Variants in PDE1C observed in about 807,000 individuals in gnomAD.
PDE1C encodes the protein dual specificity calcium/calmodulin-dependent 3',5'-cyclic nucleotide phosphodiesterase 1C.
PDE1C carries 62 observed loss-of-function variants against 93.1 expected under a neutral mutation model. That is an observed-to-expected ratio of 0.67 (90% CI 0.54 to 0.82). The LOEUF (loss-of-function observed/expected upper bound fraction) is 0.82. Ranked by LOEUF, PDE1C falls within the 40% of genes least tolerant of loss-of-function variation. The pLI is 0.00. For synonymous variants in PDE1C, 325 were observed against 310.1 expected (o/e 1.05, Z -0.50); for missense variants, 742 against 884.6 (o/e 0.84, Z 2.04).
chr7:32,190,605 C>T (rs531058922), intron 2 of PDE1C, among the ~76,000 whole-genome samples: 39 of 152,280 alleles, frequency 2.6e-4, no homozygotes, highest in African/African-American at 9.4e-4. Context: ...ATTTTCCCTC[C>T]TGGTTTGGAG....
At chr7:31,731,972 A>G in the PDE1C span, among the ~76,000 whole-genome samples, 1 of 152,184 alleles carries the variant, frequency 6.6e-6, no homozygotes, top group Non-Finnish European at 1.5e-5. Flanking sequence ...GCCCCATTGG[A>G]GGAGGAAATA....
At chr7:32,376,200 T>C (rs556493312) in intron 1 of PDE1C, among the ~76,000 whole-genome samples, 2 of 150,682 alleles carry the variant, frequency 1.3e-5, no homozygotes, top group Non-Finnish European at 2.9e-5. Context: ...CAACCAATCC[T>C]AACAAACAGT....
chr7:32,068,869 T>G (rs901409642), intron 1 of PDE1C, among the ~76,000 whole-genome samples: 1 of 152,158 alleles, frequency 6.6e-6, no homozygotes, highest in African/African-American at 2.4e-5. Flanking sequence ...GGCCCAGACT[T>G]TGTGGACACA....
chr7:31,665,219 G>T, the PDE1C span, among the ~76,000 whole-genome samples: 1 of 152,138 alleles, frequency 6.6e-6, no homozygotes, highest in Non-Finnish European at 1.5e-5. Context: ...TCACATTGCT[G>T]GTATCTTCTC....
upstream of PDE1C, chr7:32,071,531 GA>G: frequency 1.8e-6 from 1 of 547,516 alleles, no homozygotes. Flanking sequence ...TTGTGCGGAA[GA>G]AAAGGAGAAA....
intron 1 of PDE1C, among the ~76,000 whole-genome samples, chr7:32,328,094 G>A (rs977151420): frequency 1.3e-5 from 2 of 152,144 alleles, no homozygotes; most frequent in African/African-American, 2.4e-5. Flanking sequence ...CAAAAGTGAT[G>A]TATATATTTA....
the PDE1C span, among the ~76,000 whole-genome samples, chr7:31,682,002 G>A: frequency 1.6e-4 from 25 of 152,248 alleles, no homozygotes; most frequent in African/African-American, 5.3e-4. Flanking sequence ...TCTGGTCAGT[G>A]GTTTAGAGCA....
chr7:32,201,905 AAGG>A (rs1227755695), intron 2 of PDE1C, among the ~76,000 whole-genome samples: 6 of 152,164 alleles, frequency 3.9e-5, no homozygotes, highest in Admixed American at 3.9e-4. Flanking sequence ...TCTCCAGAAA[AAGG>A]AGGAGGAGGA....
At chr7:31,651,101 C>G in the PDE1C span, 1 of 1,597,560 alleles carries the variant, frequency 6.3e-7, no homozygotes, top group African/African-American at 1.3e-5. Flanking sequence ...TGCAGAGGAT[C>G]AGAGAGGACT....
At chr7:31,791,068 C>A (rs982463660) in intron 16 of PDE1C, among the ~76,000 whole-genome samples, 2 of 152,110 alleles carry the variant, frequency 1.3e-5, no homozygotes, top group African/African-American at 4.8e-5. Context: ...CTATTATCTA[C>A]AGAGATGTTA....
rs79690259 is a variant in PDE1C at position 32,004,974 on chromosome 7, T to C, written c.128+46580A>G. ...GAGGTAATTTATTTGATACATATTATGTGTTCATATTGGTGCTAGCTCCTA... is the reference window on the plus strand; with the variant it reads ...GAGGTAATTTATTTGATACATATTACGTGTTCATATTGGTGCTAGCTCCTA... On this transcript the variant is annotated intron_variant, in intron 2 of 17. Transcript: ENST00000396191. Among the ~76,000 whole-genome samples, 858 of 152,346 alleles carry C rather than the reference T, an allele frequency of 5.6e-3. 2 individuals are homozygous for C. The highest frequency in any genetic ancestry group is 0.014 in the Middle Eastern group (4 of 294).
chr7:32,001,930 G>C (rs1043480882), intron 2 of PDE1C, among the ~76,000 whole-genome samples: 1 of 152,106 alleles, frequency 6.6e-6, no homozygotes, highest in Non-Finnish European at 1.5e-5. Context: ...GTTGTGGCAG[G>C]TTCCTGTAAT....
intron 1 of PDE1C, among the ~76,000 whole-genome samples, chr7:32,068,808 T>G (rs1194575785): frequency 6.6e-6 from 1 of 152,206 alleles, no homozygotes; most frequent in South Asian, 2.1e-4. Flanking sequence ...ATCCCTCTAG[T>G]CAGCATGGCA....
intron 3 of PDE1C, among the ~76,000 whole-genome samples, chr7:32,147,141 G>A (rs1039687943): frequency 3.3e-5 from 5 of 151,016 alleles, no homozygotes; most frequent in Admixed American, 6.6e-5. Flanking sequence ...ATCAGCATAC[G>A]CTGACATGGA....
chr7:31,809,684 C>G (rs1274208877), intron 15 of PDE1C, among the ~76,000 whole-genome samples: 2 of 151,956 alleles, frequency 1.3e-5, no homozygotes, highest in East Asian at 3.9e-4. Context: ...AAGAGGATTC[C>G]AAGAGTACTG....
intron 1 of PDE1C, among the ~76,000 whole-genome samples, chr7:32,234,647 C>T (rs986638635): frequency 7.2e-5 from 11 of 151,936 alleles, no homozygotes; most frequent in Admixed American, 2.6e-4. Context: ...AAAAAATATT[C>T]CAAGTCCAGA....
chr7:32,282,030 G>A (rs1056989389), intron 1 of PDE1C, among the ~76,000 whole-genome samples: 1 of 151,816 alleles, frequency 6.6e-6, no homozygotes, highest in Admixed American at 6.6e-5. Context: ...GACGGGGAGA[G>A]ATAGCATTAG....
At position 31,895,376 on chromosome 7, in the gene PDE1C, A is replaced by G. The variant is rs548606464; in HGVS notation, c.129-14516T>C. On this transcript the variant is annotated intron_variant, in intron 2 of 17. Transcript: ENST00000396191. ...GATGTCACTAAGACTTCCTGTGACCAAGCAGACAAGAGATATCACCATGGA... is the reference window on the plus strand; with the variant it reads ...GATGTCACTAAGACTTCCTGTGACCGAGCAGACAAGAGATATCACCATGGA... Among the ~76,000 whole-genome samples the G allele has an allele frequency of 1.6e-3, 241 of 152,266 alleles. 1 individual carries two copies. The highest frequency in any genetic ancestry group is 5.7e-3 in the African/African-American group (235 of 41,552).
At chr7:32,078,427 G>T (rs1796474912) in intron 3 of PDE1C, among the ~76,000 whole-genome samples, 1 of 152,168 alleles carries the variant, frequency 6.6e-6, no homozygotes, top group South Asian at 2.1e-4. Flanking sequence ...AAAAAGCATA[G>T]GCTGTTGGTA....
Sources: gnomAD v4.1 joint callset for allele counts (sites outside exome capture counted in the v4.1 genomes callset) on GRCh38, gnomAD v4.1.1 for gene constraint, MANE v1.5 for transcripts, NCBI Gene and HGNC (gene_info 2026-07-23, HGNC 2026-07-21) for gene names.